The following MGST2 variants were observed in gnomAD, a reference collection of about 807,000 sequenced individuals.
MGST2 encodes microsomal glutathione S-transferase 2.
Under a neutral mutation model 16.6 loss-of-function variants are expected in MGST2, and 9 were observed. The ratio of observed to expected loss-of-function variants is 0.54; its 90% CI spans 0.33 to 0.95. MGST2 has a LOEUF of 0.95. Among genes scored for constraint, MGST2 ranks in the 40% least tolerant of loss-of-function variants. The pLI is 0.03. For synonymous variants in MGST2, 79 were observed against 68.0 expected (o/e 1.16, Z -0.79); for missense variants, 159 against 175.1 (o/e 0.91, Z 0.52).
downstream of MGST2, among the ~76,000 whole-genome samples, chr4:139,709,071 AT>A (rs377191495): frequency 2.6e-3 from 214 of 81,994 alleles, 12 homozygotes; most frequent in African/African-American, 8.5e-3. Flanking sequence ...AATGGAAAAA[AT>A]TTTTTTTTTT....
chr4:139,740,278 T>G (rs2111020703), exon 6 of MGST2: 1 of 152,194 alleles, frequency 6.6e-6, no homozygotes, highest in South Asian at 2.1e-4. Flanking sequence ...GAGAGGTGGG[T>G]GAAAACTGCC....
At chr4:139,718,501 G>A (rs1041929000) in intron 5 of MGST2, 1 of 152,322 alleles carries the variant, frequency 6.6e-6, no homozygotes, top group Non-Finnish European at 1.5e-5. Flanking sequence ...GCCGCCAGAA[G>A]TAGATGTGAC....
In MGST2 at chr4:139,725,707, C is replaced by T. The variant is rs776548737; in HGVS notation, c.*49-14505C>T. On this transcript the variant is annotated intron_variant, in intron 5 of 5. Coordinates refer to the MGST2 transcript ENST00000616265. ...TCTGGCTACACATTCACTTACGCTTCACCACTGGAAGGTATAAAATGAGAG... is the reference window on the plus strand; with the variant it reads ...TCTGGCTACACATTCACTTACGCTTTACCACTGGAAGGTATAAAATGAGAG... The T allele has an allele frequency of 3.8e-6, 6 of 1,576,802 alleles. No individual in the cohort carries two copies. The South Asian group carries it at 4.4e-5, about 12-fold the overall frequency.
intron 5 of MGST2, among the ~76,000 whole-genome samples, chr4:139,738,211 G>A (rs575548906): frequency 3.9e-5 from 6 of 152,316 alleles, no homozygotes; most frequent in Admixed American, 1.3e-4. Flanking sequence ...CTGTGTTTCT[G>A]GTGCTAGCTT....
At chr4:139,729,177 AAAGG>A (rs1728599931) in intron 5 of MGST2, among the ~76,000 whole-genome samples, 2 of 150,508 alleles carry the variant, frequency 1.3e-5, no homozygotes, top group African/African-American at 2.4e-5. Flanking sequence ...AAAAAAAAAA[AAAGG>A]GAACATAAGT....
chr4:139,687,123 G>A lies in MGST2; in HGVS notation c.159-8074G>A, dbSNP rs550725784. Among the ~76,000 whole-genome samples the A allele has an allele frequency of 4.6e-5, 7 of 152,292 alleles. No homozygotes were observed. In the South Asian group the frequency reaches 1.4e-3, roughly 32 times the overall value. On this transcript the variant is annotated intron_variant, in intron 2 of 4. Coordinates refer to ENST00000265498, the MANE Select transcript of MGST2 (RefSeq NM_002413.5). ...CAAACCCAGTTTCCTTGTTAGAGAT[G>A]TTTTGCTTTGTTGGATTAATCATGG...
At chr4:139,739,052 T>A (rs1439914835) in intron 5 of MGST2, among the ~76,000 whole-genome samples, 1 of 152,136 alleles carries the variant, frequency 6.6e-6, no homozygotes, top group East Asian at 1.9e-4. Flanking sequence ...AGACTATGAG[T>A]CTTCCCAGTA....
chr4:139,740,149 C>T (rs1729110857), intron 5 of MGST2: 1 of 152,230 alleles, frequency 6.6e-6, no homozygotes, highest in Non-Finnish European at 1.5e-5. Flanking sequence ...ATTCTTTGGT[C>T]TACCTGGACA....
chr4:139,703,519 A>G lies in MGST2; in HGVS notation c.294A>G (p.Ser98=). The change falls in exon 4 of 5, where the codon TCA becomes TCG. Residue 98 remains serine, a synonymous_variant. Coordinates refer to ENST00000265498, the MANE Select transcript of MGST2 (RefSeq NM_002413.5). ...GTCACCTATACTTCTGGGGATATTC[A>G]GAAGCTGCTAAAAAACGGTAAGGAG... is the stretch of plus-strand genomic sequence containing the variant. ...YGRHLYFWGY[S]EAAKKRITGF... 6.2e-7 allele frequency: 1 copy of G among 1,613,938 alleles called. No individual in the cohort carries two copies. Among genetic ancestry groups the G allele is most frequent in the South Asian group, 1.1e-5 (1 of 91,084 alleles).
intron 1 of MGST2, among the ~76,000 whole-genome samples, chr4:139,673,801 T>A (rs768375462): frequency 6.6e-6 from 1 of 152,174 alleles, no homozygotes; most frequent in Non-Finnish European, 1.5e-5. Flanking sequence ...CACCTTGGCC[T>A]CCTGAAATTC....
intron 5 of MGST2, chr4:139,730,574 C>T (rs528267978): frequency 1.3e-5 from 21 of 1,603,456 alleles, no homozygotes; most frequent in African/African-American, 5.3e-5. Context: ...CCGGGGCCTG[C>T]GGGACTGGCT....
At chr4:139,752,738 C>T in the MGST2 span, among the ~76,000 whole-genome samples, 1 of 152,006 alleles carries the variant, frequency 6.6e-6, no homozygotes, top group Non-Finnish European at 1.5e-5. Flanking sequence ...AAGATCGCAG[C>T]ACTAACACCT....
intron 2 of MGST2, among the ~76,000 whole-genome samples, chr4:139,682,479 A>G (rs1731302752): frequency 6.6e-6 from 1 of 152,156 alleles, no homozygotes; most frequent in Admixed American, 6.5e-5. Context: ...AGGGGGCTGC[A>G]GGGAGCCTGG....
downstream of MGST2, among the ~76,000 whole-genome samples, chr4:139,741,225 A>G (rs1253495162): frequency 6.6e-6 from 1 of 152,182 alleles, no homozygotes; most frequent in African/African-American, 2.4e-5. Context: ...CCTTATGTAA[A>G]GATTGTGGCT....
chr4:139,710,074 AT>A (rs1727680488), intron 5 of MGST2, among the ~76,000 whole-genome samples: 1 of 152,148 alleles, frequency 6.6e-6, no homozygotes, highest in African/African-American at 2.4e-5. Context: ...TTTTCAGATA[AT>A]TTTTCTTGTT....
chr4:139,690,388 GTC>G (rs1317091214), intron 2 of MGST2, among the ~76,000 whole-genome samples: 2 of 152,084 alleles, frequency 1.3e-5, no homozygotes, highest in Admixed American at 1.3e-4. Context: ...TGATCCTTCT[GTC>G]TCTGCCTCCC....
At chr4:139,746,877 C>T in the MGST2 span, among the ~76,000 whole-genome samples, 8 of 152,010 alleles carry the variant, frequency 5.3e-5, no homozygotes, top group Admixed American at 3.3e-4. Flanking sequence ...AATAAAAAGC[C>T]TAGGGAGAAT....
At chr4:139,746,694 G>A in the MGST2 span, among the ~76,000 whole-genome samples, 2 of 152,278 alleles carry the variant, frequency 1.3e-5, no homozygotes, top group South Asian at 4.1e-4. Flanking sequence ...TCCGCAGGCA[G>A]CCAATTTGTT....
chr4:139,749,789 G>C, the MGST2 span, among the ~76,000 whole-genome samples: 13 of 152,102 alleles, frequency 8.5e-5, no homozygotes, highest in African/African-American at 3.1e-4. Flanking sequence ...ACAGAGTTTT[G>C]AGCAATGCAG....
Sources: gnomAD v4.1 joint callset for allele counts (sites outside exome capture counted in the v4.1 genomes callset) on GRCh38, gnomAD v4.1.1 for gene constraint, MANE v1.5 for transcripts, NCBI Gene and HGNC (gene_info 2026-07-23, HGNC 2026-07-21) for gene names.